RUNX1: variants seen among roughly 807,000 people sequenced by gnomAD.
RUNX1 encodes RUNX family transcription factor 1.
A neutral mutation model predicts 42.8 loss-of-function variants in RUNX1; 19 were observed. The ratio of observed to expected loss-of-function variants is 0.44; its 90% CI spans 0.31 to 0.65. RUNX1 has a LOEUF of 0.65. RUNX1 is among the 30% of genes least tolerant of loss of function. The probability of loss-of-function intolerance (pLI) is 0.07; values close to 1 mark genes in which losing one functional copy is unlikely to be tolerated. For synonymous variants in RUNX1, 271 were observed against 289.4 expected (o/e 0.94, Z 0.64); for missense variants, 528 against 672.0 (o/e 0.79, Z 2.37).
chr21:34,924,639 G>A (rs774485888), intron 2 of RUNX1, among the ~76,000 whole-genome samples: 2 of 152,214 alleles, frequency 1.3e-5, no homozygotes, highest in South Asian at 2.1e-4. Flanking sequence ...AAAGAGGAAC[G>A]TGGGAGCCAT....
intron 6 of RUNX1, among the ~76,000 whole-genome samples, chr21:34,836,694 G>A (rs575295180): frequency 9.4e-4 from 143 of 152,334 alleles, no homozygotes; most frequent in African/African-American, 2.5e-3. Context: ...AAAGGCTGCC[G>A]GCAGGTTTTG....
intron 6 of RUNX1, among the ~76,000 whole-genome samples, chr21:34,837,250 G>C (rs367953675): frequency 8.5e-5 from 13 of 152,258 alleles, no homozygotes; most frequent in African/African-American, 3.1e-4. Flanking sequence ...GATTGGGGAA[G>C]AGCCCATTCC....
rs200304107 is a variant in RUNX1, at chr21:34,891,707, TAA to T, written c.97+1216_97+1217del. On this transcript the variant is annotated intron_variant, in intron 3 of 8. Transcript: ENST00000675419. ...ATTTACTTTTGTCATAATGCAAAAT[TAA>T]AAAAAAAAAAAATACAACGAAGCGA... Among the ~76,000 whole-genome samples the T allele has an allele frequency of 5.7e-3, 841 of 147,754 alleles. 4 individuals carry two copies. Among genetic ancestry groups the T allele is most frequent in the African/African-American group, 0.014 (570 of 40,708 alleles).
In RUNX1 at chr21:34,887,727, T is replaced by C. The variant is rs553982915; in HGVS notation, c.98-631A>G. On this transcript the variant is annotated intron_variant, in intron 3 of 8. Coordinates refer to ENST00000675419, the MANE Select transcript of RUNX1 (RefSeq NM_001754.5). ...AAATATATACATATGCTCTACTTCA[T>C]AAAATATTTACAATACAATCTGTGG... is the stretch of plus-strand genomic sequence containing the variant. 8.2e-4 allele frequency: 866 copies of C among 1,059,870 alleles called. 7 individuals are homozygous for C. In the African/African-American group the frequency reaches 0.014, roughly 17 times the overall value. 65.7% of individuals were successfully genotyped at this position (1,059,870 alleles called of 1,614,324 possible). A position where few individuals can be genotyped will look rare whatever the true frequency, so the allele number is the denominator to read the frequency against.
In RUNX1 at chr21:34,916,869, C is replaced by A. The variant is rs1018150720; in HGVS notation, c.59-23906G>T. On this transcript the variant is annotated intron_variant, in intron 2 of 8. Coordinates refer to ENST00000675419, the MANE Select transcript of RUNX1 (RefSeq NM_001754.5). ...CCAGGTCTTTCTATGTGTTATCTAA[C>A]TTAATGCTCACAAAATCCTTTTGGG... Among the ~76,000 whole-genome samples, 4 of 152,154 alleles carry A rather than the reference C, an allele frequency of 2.6e-5. No homozygotes were observed. The East Asian group carries it at 5.8e-4, about 22-fold the overall frequency.
At chr21:34,996,860 A>T (rs1379236633) in intron 2 of RUNX1, among the ~76,000 whole-genome samples, 1 of 152,050 alleles carries the variant, frequency 6.6e-6, no homozygotes, top group Non-Finnish European at 1.5e-5. Flanking sequence ...TACACAGCAA[A>T]CCCCTACTCC....
At chr21:34,965,090 T>C (rs2058709260) in intron 2 of RUNX1, among the ~76,000 whole-genome samples, 1 of 151,618 alleles carries the variant, frequency 6.6e-6, no homozygotes, top group Non-Finnish European at 1.5e-5. Context: ...CACACATACA[T>C]GCTCATGCAC....
chr21:34,837,664 C>T (rs2057167883), intron 6 of RUNX1, among the ~76,000 whole-genome samples: 1 of 152,200 alleles, frequency 6.6e-6, no homozygotes, highest in Non-Finnish European at 1.5e-5. Context: ...TTCTTTCTCA[C>T]TGAGTACCGG....
chr21:35,036,928 G>T (rs1239385172), intron 2 of RUNX1, among the ~76,000 whole-genome samples: 1 of 152,196 alleles, frequency 6.6e-6, no homozygotes, highest in African/African-American at 2.4e-5. Context: ...CCCTGAAGGA[G>T]GGACTCAGGT....
chr21:34,875,995 G>A (rs1258098656), intron 5 of RUNX1, among the ~76,000 whole-genome samples: 1 of 152,194 alleles, frequency 6.6e-6, no homozygotes, highest in Non-Finnish European at 1.5e-5. Context: ...ACATACCGAA[G>A]GAATTTCATT....
chr21:34,886,326 C>G (rs1226407696), intron 4 of RUNX1, among the ~76,000 whole-genome samples: 1 of 152,200 alleles, frequency 6.6e-6, no homozygotes, highest in African/African-American at 2.4e-5. Flanking sequence ...ATGCTAATTC[C>G]TATAGGGCGG....
At chr21:34,891,104 A>C (rs535215216) in intron 3 of RUNX1, among the ~76,000 whole-genome samples, 1 of 152,228 alleles carries the variant, frequency 6.6e-6, no homozygotes, top group East Asian at 1.9e-4. Context: ...TAAAACCCTA[A>C]ACCCCGCGAC....
At chr21:35,036,303 GAAT>G (rs932527337) in intron 2 of RUNX1, among the ~76,000 whole-genome samples, 3 of 152,198 alleles carry the variant, frequency 2.0e-5, no homozygotes, top group Admixed American at 1.3e-4. Flanking sequence ...TTATTGTGGA[GAAT>G]AATTAGCTTG....
intron 2 of RUNX1, 120 bp downstream of exon 2, chr21:35,048,722 C>A: frequency 1.2e-6 from 1 of 840,724 alleles, no homozygotes; most frequent in Non-Finnish European, 2.1e-6. Flanking sequence ...ATTCCTCTCA[C>A]AAACAAGACA....
chr21:35,003,030 A>G (rs534073020), intron 2 of RUNX1, among the ~76,000 whole-genome samples: 1 of 152,344 alleles, frequency 6.6e-6, no homozygotes, highest in African/African-American at 2.4e-5. Context: ...AGAACAATAC[A>G]ACTTCATTAC....
intron 2 of RUNX1, among the ~76,000 whole-genome samples, chr21:35,021,628 G>A (rs1335648676): frequency 6.6e-6 from 1 of 152,242 alleles, no homozygotes; most frequent in Non-Finnish European, 1.5e-5. Flanking sequence ...TGCTTGTAGA[G>A]TTGAGTTGGA....
In RUNX1 at chr21:34,791,953, G is replaced by C. The variant is rs2056441631; in HGVS notation, c.*182C>G. ...CAGACGGCGGCGGCGTGGGCTTCTG[G>C]GCGCAGGAGGCTGCGCGGGCCTGAC... On this transcript the variant is annotated 3_prime_UTR_variant, in exon 9 of 9. Coordinates refer to ENST00000675419, the MANE Select transcript of RUNX1 (RefSeq NM_001754.5). 2 of 385,274 alleles carry C rather than the reference G, an allele frequency of 5.2e-6. No homozygotes were observed. Among genetic ancestry groups the C allele is most frequent in the East Asian group, 5.0e-5 (1 of 20,124 alleles). 23.9% of individuals were successfully genotyped at this position (385,274 alleles called of 1,614,324 possible). A position where few individuals can be genotyped will look rare whatever the true frequency, so the allele number is the denominator to read the frequency against.
At chr21:34,920,086 GC>G (rs1472024307) in intron 2 of RUNX1, among the ~76,000 whole-genome samples, 1 of 152,148 alleles carries the variant, frequency 6.6e-6, no homozygotes, top group Non-Finnish European at 1.5e-5. Context: ...TGTGGACATA[GC>G]AAAATAACCA....
chr21:34,944,159 C>T (rs980580417), intron 2 of RUNX1, among the ~76,000 whole-genome samples: 2 of 152,076 alleles, frequency 1.3e-5, no homozygotes, highest in African/African-American at 4.8e-5. Flanking sequence ...CAAATGCATG[C>T]CACCAGGCCT....
Sources: allele counts gnomAD v4.1 joint callset (sites outside exome capture counted in the v4.1 genomes callset), GRCh38; gene constraint gnomAD v4.1.1; transcripts MANE v1.5; gene names NCBI Gene and HGNC (gene_info 2026-07-23, HGNC 2026-07-21).